The following PCDHGA1 variants were observed in gnomAD, a reference collection of about 807,000 sequenced individuals.
PCDHGA1 encodes the protein protocadherin gamma-A1.
In PCDHGA1, 32 loss-of-function variants were observed where a neutral mutation model predicts 58.0. That is an observed-to-expected ratio of 0.55 (90% CI 0.42 to 0.74). The LOEUF (loss-of-function observed/expected upper bound fraction) is 0.74, where lower values mean the gene tolerates loss of function less well. Ranked by LOEUF, PCDHGA1 falls within the 30% of genes least tolerant of loss-of-function variation. The pLI is 0.00. For missense variants in PCDHGA1, 1,205 were observed against 1,182.3 expected (o/e 1.02, Z -0.28); for synonymous variants, 498 against 501.1 (o/e 0.99, Z 0.08).
Position 141,431,374 on chromosome 5 carries a change from GGCT to G in PCDHGA1, c.2422-63429_2422-63427del, listed in dbSNP as rs752583215. The G allele has an allele frequency of 1.7e-4, 275 of 1,613,980 alleles. No individual in the cohort carries two copies. Among genetic ancestry groups the G allele is most frequent in the Non-Finnish European group, 2.0e-4 (238 of 1,180,036 alleles). On this transcript the variant is annotated intron_variant, in intron 1 of 3. Coordinates refer to ENST00000517417, the MANE Select transcript of PCDHGA1 (RefSeq NM_018912.3). This position sits in a 1 kb window ranked among gnomAD's most constrained non-coding sequence, Gnocchi z 4.8. Reference sequence around the variant, plus strand: ...AACGCGCCCTGGACCGCGAAGAAAAGGCTGCTCACCACCTGGTCCTTACGGCCT... The same window carrying G: ...AACGCGCCCTGGACCGCGAAGAAAAGGCTCACCACCTGGTCCTTACGGCCT...
At chr5:141,338,354 T>C (rs962765054) in intron 1 of PCDHGA1, among the ~76,000 whole-genome samples, 1 of 152,220 alleles carries the variant, frequency 6.6e-6, no homozygotes, top group African/African-American at 2.4e-5. Context: ...TGCAAAGCCA[T>C]CAACCATAAA....
chr5:141,363,333 A>G (rs899178118), intron 1 of PCDHGA1, among the ~76,000 whole-genome samples: 3 of 152,286 alleles, frequency 2.0e-5, no homozygotes, highest in Non-Finnish European at 2.9e-5. Flanking sequence ...GTTATTAAAT[A>G]AAATGACTTT....
chr5:141,372,235 C>T lies in PCDHGA1; in HGVS notation c.2421+39130C>T. The T allele has an allele frequency of 6.2e-7, 1 of 1,613,342 alleles. No homozygotes were observed. The highest frequency in any genetic ancestry group is 1.7e-5 in the Admixed American group (1 of 60,020). On this transcript the variant is annotated intron_variant, in intron 1 of 3. Coordinates refer to ENST00000517417, the MANE Select transcript of PCDHGA1 (RefSeq NM_018912.3). ...TACCACATTGTGCAGGCCAGCGAGC[C>T]CGGGCTGTTCAGCCTGGGCCTGCGC... is the stretch of plus-strand genomic sequence containing the variant.
intron 1 of PCDHGA1, chr5:141,408,828 G>C: frequency 6.2e-7 from 1 of 1,613,614 alleles, no homozygotes; most frequent in East Asian, 2.2e-5. Context: ...AGATCTCATA[G>C]CTTGATATTG....
intron 1 of PCDHGA1, chr5:141,346,433 G>T: frequency 6.2e-7 from 1 of 1,614,260 alleles, no homozygotes; most frequent in Non-Finnish European, 8.5e-7. Context: ...TACTTGAAAT[G>T]AAAGGAGATT....
intron 1 of PCDHGA1, chr5:141,364,370 C>G: frequency 6.4e-7 from 1 of 1,570,908 alleles, no homozygotes; most frequent in South Asian, 1.2e-5. Flanking sequence ...CGGAGAGCTG[C>G]TGCTGCCCTT....
Position 141,415,037 on chromosome 5 carries a change from T to G in PCDHGA1, c.2422-79770T>G, listed in dbSNP as rs775779136. The G allele has an allele frequency of 5.0e-6, 8 of 1,613,384 alleles. No homozygotes were observed. In the Admixed American group the frequency reaches 8.3e-5, roughly 17 times the overall value. ...CTCAAGGCCAGCGAGCCGGGACTCT[T>G]CGCGGTGGGGGAGCACACGGGCGAG... is the stretch of plus-strand genomic sequence containing the variant. On this transcript the variant is annotated intron_variant, in intron 1 of 3. Coordinates refer to ENST00000517417, the MANE Select transcript of PCDHGA1 (RefSeq NM_018912.3).
intron 1 of PCDHGA1, among the ~76,000 whole-genome samples, chr5:141,464,886 A>T (rs541933775): frequency 5.2e-4 from 79 of 152,156 alleles, no homozygotes; most frequent in African/African-American, 1.9e-3. Flanking sequence ...CTACAGATGG[A>T]TGCCACCATG....
At chr5:141,340,122 G>T in intron 1 of PCDHGA1, 1 of 1,614,128 alleles carries the variant, frequency 6.2e-7, no homozygotes, top group Non-Finnish European at 8.5e-7. Context: ...TTCACCACCT[G>T]TTCACTCCCC....
In PCDHGA1 at chr5:141,487,598, C is replaced by T. The variant is rs1450685717; in HGVS notation, c.2422-7209C>T. 6.2e-7 allele frequency: 1 copy of T among 1,614,210 alleles called. No homozygotes were observed. The highest frequency in any genetic ancestry group is 8.5e-7 in the Non-Finnish European group (1 of 1,180,046). ...TCGCCCAAGCTGCCCACCCTCTGAT[C>T]TTCTCTATGGGCTAGAGGTGAGACC... is the stretch of plus-strand genomic sequence containing the variant. On this transcript the variant is annotated intron_variant, in intron 1 of 3. Transcript: ENST00000517417. The surrounding 1 kb of genome is among the most constrained non-coding windows in gnomAD (Gnocchi z 5.0).
At position 141,374,694 on chromosome 5, in the gene PCDHGA1, G is replaced by T. The variant is rs375847789; in HGVS notation, c.2421+41589G>T. The T allele has an allele frequency of 1.2e-6, 2 of 1,609,362 alleles. No individual in the cohort carries two copies. Among genetic ancestry groups the T allele is most frequent in the Non-Finnish European group, 1.7e-6 (2 of 1,177,726 alleles). On this transcript the variant is annotated intron_variant, in intron 1 of 3. Coordinates refer to ENST00000517417, the MANE Select transcript of PCDHGA1 (RefSeq NM_018912.3). ...CTGGAGGGCACACTGGACCGGGAAG[G>T]AGAAGCCGTTTACCGCCTGGTCCTT...
At chr5:141,371,972 T>A in intron 1 of PCDHGA1, 1 of 1,613,166 alleles carries the variant, frequency 6.2e-7, no homozygotes, top group Non-Finnish European at 8.5e-7. Context: ...AGCAGCTGCG[T>A]GCCTTCGAGC....
intron 1 of PCDHGA1, chr5:141,355,455 C>G: frequency 6.2e-7 from 1 of 1,614,078 alleles, no homozygotes. Flanking sequence ...GCACCTTGGT[C>G]ACCGCGGGTA....
chr5:141,443,974 G>A (rs775899117), intron 1 of PCDHGA1, among the ~76,000 whole-genome samples: 5 of 152,066 alleles, frequency 3.3e-5, no homozygotes, highest in Non-Finnish European at 7.4e-5. Context: ...GTCCATCTAA[G>A]CTATGTTAAT....
intron 1 of PCDHGA1, among the ~76,000 whole-genome samples, chr5:141,465,319 T>A (rs184635197): frequency 4.6e-5 from 7 of 152,324 alleles, no homozygotes; most frequent in Admixed American, 1.3e-4. Flanking sequence ...GCCATGTCAA[T>A]GCAGTATTTT....
chr5:141,478,801 T>G (rs2099477985), intron 1 of PCDHGA1: 1 of 1,463,438 alleles, frequency 6.8e-7, no homozygotes, highest in African/African-American at 1.4e-5. Flanking sequence ...TCAGCACTCT[T>G]TTGCTATCAC....
chr5:141,481,434 A>C (rs1374254063), intron 1 of PCDHGA1, among the ~76,000 whole-genome samples: 1 of 152,256 alleles, frequency 6.6e-6, no homozygotes, highest in East Asian at 1.9e-4. Context: ...TGATTGTATC[A>C]GTTTAGTACA....
intron 1 of PCDHGA1, chr5:141,399,577 T>C: frequency 1.2e-6 from 2 of 1,613,972 alleles, no homozygotes; most frequent in Non-Finnish European, 1.7e-6. Context: ...CGGCCAAGTC[T>C]CCTACTCTAT....
chr5:141,462,682 G>T (rs560423384), intron 1 of PCDHGA1, among the ~76,000 whole-genome samples: 2 of 151,790 alleles, frequency 1.3e-5, no homozygotes, highest in Non-Finnish European at 2.9e-5. Context: ...TTAAATTTTT[G>T]AGCACATTTA....
Sources: allele counts gnomAD v4.1 joint callset (sites outside exome capture counted in the v4.1 genomes callset), GRCh38; gene constraint gnomAD v4.1.1; non-coding constraint Gnocchi (gnomAD v3.1); transcripts MANE v1.5; gene names NCBI Gene and HGNC (gene_info 2026-07-23, HGNC 2026-07-21).